Variants in EGLN1 observed in about 807,000 individuals in gnomAD.
EGLN1 encodes egl-9 family hypoxia inducible factor 1, also known as egl nine homolog 1.
Under a neutral mutation model 38.3 loss-of-function variants are expected in EGLN1, and 17 were observed. The ratio of observed to expected loss-of-function variants is 0.44; its 90% CI spans 0.30 to 0.67. The LOEUF is 0.67. Ranked by LOEUF, EGLN1 falls within the 30% of genes least tolerant of loss-of-function variation. The pLI is 0.08. For synonymous variants in EGLN1, 283 were observed against 257.5 expected (o/e 1.10, Z -0.95); for missense variants, 477 against 603.3 (o/e 0.79, Z 2.19).
chr1:231,405,449 T>C (rs1319539600), intron 1 of EGLN1, among the ~76,000 whole-genome samples: 2 of 152,176 alleles, frequency 1.3e-5, no homozygotes, highest in African/African-American at 4.8e-5. Flanking sequence ...AGCGCTGGGA[T>C]TACAGGTGTG....
intron 1 of EGLN1, among the ~76,000 whole-genome samples, chr1:231,407,819 A>G (rs1688835087): frequency 6.6e-6 from 1 of 152,056 alleles, no homozygotes. Flanking sequence ...GACCTGGGCT[A>G]TTTTTATCTG....
intron 1 of EGLN1, among the ~76,000 whole-genome samples, chr1:231,415,881 T>C (rs1331256956): frequency 6.7e-6 from 1 of 150,108 alleles, no homozygotes; most frequent in East Asian, 2.0e-4. Context: ...GGAGTCTCGC[T>C]CTGTCGCCCG....
intron 1 of EGLN1, among the ~76,000 whole-genome samples, chr1:231,388,011 G>A (rs2808592): frequency 0.55 from 82,959 of 152,102 alleles, 24,251 homozygotes; most frequent in Non-Finnish European, 0.65. Context: ...CAATATCATT[G>A]TATGTAAATC....
chr1:231,374,909 G>A (rs892854823), intron 1 of EGLN1, among the ~76,000 whole-genome samples: 5 of 152,060 alleles, frequency 3.3e-5, no homozygotes, highest in African/African-American at 7.2e-5. Flanking sequence ...AAGCTTAAAG[G>A]TAGAAAAGAG....
chr1:231,378,063 C>T (rs1174593876), intron 1 of EGLN1, among the ~76,000 whole-genome samples: 1 of 152,098 alleles, frequency 6.6e-6, no homozygotes, highest in Non-Finnish European at 1.5e-5. Context: ...CTGGCATTCC[C>T]TAGGTCCCTT....
chr1:231,366,234 TAC>T lies in EGLN1; in HGVS notation c.*175_*176del. The T allele has an allele frequency of 1.5e-6, 1 of 673,764 alleles. No homozygotes were observed. The highest frequency in any genetic ancestry group is 2.6e-6 in the Non-Finnish European group (1 of 382,436). 41.7% of individuals were successfully genotyped at this position (673,764 alleles called of 1,614,324 possible). ...CACAGATTTGAAGTTGATCATGCAG[TAC>T]AAAGTCACAGCAGTCAAAATCTTCT... On this transcript the variant is annotated 3_prime_UTR_variant, in exon 5 of 5. Transcript: ENST00000366641.
intron 1 of EGLN1, among the ~76,000 whole-genome samples, chr1:231,388,650 T>G (rs1037254633): frequency 1.3e-5 from 2 of 150,798 alleles, no homozygotes; most frequent in Admixed American, 6.6e-5. Context: ...TTTTTGGTTT[T>G]TTGTTGTTGT....
At chr1:231,389,462 G>A (rs1257528841) in intron 1 of EGLN1, among the ~76,000 whole-genome samples, 3 of 152,070 alleles carry the variant, frequency 2.0e-5, no homozygotes, top group Non-Finnish European at 4.4e-5. Flanking sequence ...AATATCCAGC[G>A]AGTAACAGTG....
intron 1 of EGLN1, among the ~76,000 whole-genome samples, chr1:231,376,740 G>C (rs914731620): frequency 6.6e-6 from 1 of 152,116 alleles, no homozygotes; most frequent in African/African-American, 2.4e-5. Context: ...AAAAAAATTA[G>C]GTATATAGAG....
At chr1:231,368,261 G>A (rs1319244504) in intron 3 of EGLN1, among the ~76,000 whole-genome samples, 1 of 152,160 alleles carries the variant, frequency 6.6e-6, no homozygotes, top group Non-Finnish European at 1.5e-5. Context: ...AATAGCACAA[G>A]TACTAAAAGA....
At chr1:231,403,578 C>T (rs1214305505) in intron 1 of EGLN1, among the ~76,000 whole-genome samples, 1 of 151,810 alleles carries the variant, frequency 6.6e-6, no homozygotes. Flanking sequence ...CAAGACCAGC[C>T]TGGCTAACAT....
At chr1:231,391,563 T>C (rs1367867719) in intron 1 of EGLN1, among the ~76,000 whole-genome samples, 2 of 152,030 alleles carry the variant, frequency 1.3e-5, no homozygotes, top group South Asian at 2.1e-4. Context: ...CAAAATAAAA[T>C]GGTACTCGGT....
chr1:231,378,497 C>T (rs2572251), intron 1 of EGLN1, among the ~76,000 whole-genome samples: 82,589 of 151,698 alleles, frequency 0.54, 24,072 homozygotes, highest in Non-Finnish European at 0.65. Flanking sequence ...GGTCTCACGA[C>T]GTTGCCCACG....
intron 3 of EGLN1, among the ~76,000 whole-genome samples, chr1:231,370,019 C>T (rs898437447): frequency 1.3e-5 from 2 of 152,086 alleles, no homozygotes; most frequent in Non-Finnish European, 2.9e-5. Context: ...GAAACAGATG[C>T]TCATTATTTG....
chr1:231,418,015 G>A (rs540642249), intron 1 of EGLN1, among the ~76,000 whole-genome samples: 2 of 152,232 alleles, frequency 1.3e-5, no homozygotes, highest in East Asian at 3.9e-4. Context: ...TAAAAAAAGG[G>A]ATACAACCAC....
At chr1:231,385,166 G>C (rs1461274925) in intron 1 of EGLN1, among the ~76,000 whole-genome samples, 1 of 152,142 alleles carries the variant, frequency 6.6e-6, no homozygotes, top group Non-Finnish European at 1.5e-5. Context: ...CTAAGGTTTT[G>C]GTTTAAGCAA....
chr1:231,369,299 C>T (rs1039310873), intron 3 of EGLN1, among the ~76,000 whole-genome samples: 1 of 152,228 alleles, frequency 6.6e-6, no homozygotes, highest in Non-Finnish European at 1.5e-5. Flanking sequence ...TCCTGTAGCA[C>T]TTAGCCTCCA....
At chr1:231,383,045 G>A (rs1227028036) in intron 1 of EGLN1, among the ~76,000 whole-genome samples, 8 of 93,694 alleles carry the variant, frequency 8.5e-5, no homozygotes, top group African/African-American at 2.6e-4. Flanking sequence ...GCAACAGAGC[G>A]AAACTCTGTC....
In EGLN1 at chr1:231,416,436, A is replaced by AT. The variant is rs34818710; in HGVS notation, c.891+4561dup. On this transcript the variant is annotated intron_variant, in intron 1 of 4. Transcript: ENST00000366641. ...AGAGTTACATACATACAAAAAAAAAATTTTTTTTTTTTTTTTGAGATAGGG... is the reference window on the plus strand; with the variant it reads ...AGAGTTACATACATACAAAAAAAAAATTTTTTTTTTTTTTTTTGAGATAGGG... Among the ~76,000 whole-genome samples the AT allele has an allele frequency of 5.9e-3, 836 of 141,900 alleles. 2 individuals are homozygous for AT. The highest frequency in any genetic ancestry group is 0.016 in the South Asian group (72 of 4,420). 93.1% of individuals were successfully genotyped at this position (141,900 alleles called of 152,430 possible).
Sources: gnomAD v4.1 joint callset for allele counts (sites outside exome capture counted in the v4.1 genomes callset) on GRCh38, gnomAD v4.1.1 for gene constraint, MANE v1.5 for transcripts, NCBI Gene and HGNC (gene_info 2026-07-23, HGNC 2026-07-21) for gene names.